TMPRSS7: variants seen among roughly 807,000 people sequenced by gnomAD.
TMPRSS7 encodes transmembrane serine protease 7, also known as transmembrane protease serine 7.
TMPRSS7 carries 81 observed loss-of-function variants against 95.6 expected under a neutral mutation model. That is an observed-to-expected ratio of 0.85 (90% CI 0.71 to 1.02). The LOEUF (loss-of-function observed/expected upper bound fraction) is 1.02. Ranked by LOEUF, TMPRSS7 falls within the 50% of genes least tolerant of loss-of-function variation. The pLI, the probability that TMPRSS7 is intolerant of heterozygous loss-of-function variation, is 0.00. For synonymous variants in TMPRSS7, 364 were observed against 337.8 expected (o/e 1.08, Z -0.85); for missense variants, 945 against 955.2 (o/e 0.99, Z 0.14).
chr3:112,075,170 TCAGA>T, intron 14 of TMPRSS7, 147 bp from the exon 15 acceptor site: 1 of 673,162 alleles, frequency 1.5e-6, no homozygotes, highest in Middle Eastern at 4.5e-4. Context: ...TGTATTGGTT[TCAGA>T]CAGACTCACA....
At chr3:112,051,535 CTAT>C (rs2073349955) in intron 9 of TMPRSS7, among the ~76,000 whole-genome samples, 1 of 150,376 alleles carries the variant, frequency 6.6e-6, no homozygotes, top group Non-Finnish European at 1.5e-5. Flanking sequence ...ATCTATCTAT[CTAT>C]CTATCTATCT....
chr3:112,074,959 C>T (rs925235732), intron 14 of TMPRSS7, among the ~76,000 whole-genome samples: 1 of 152,212 alleles, frequency 6.6e-6, no homozygotes, highest in Non-Finnish European at 1.5e-5. Context: ...TAAATCTTTT[C>T]CCCAATCCTT....
downstream of TMPRSS7, chr3:112,081,268 T>C (rs2073776207): frequency 4.5e-6 from 1 of 223,180 alleles, no homozygotes; most frequent in Non-Finnish European, 7.9e-6. Flanking sequence ...CTGTCTCTAC[T>C]GAAAAAAAAA....
chr3:112,077,069 A>T, exon 16 of TMPRSS7: 1 of 1,614,194 alleles, frequency 6.2e-7, no homozygotes, highest in East Asian at 2.2e-5. Flanking sequence ...GCCAATATGC[A>T]TTCCTCCCAC....
intron 7 of TMPRSS7, 131 bp downstream of exon 7, chr3:112,048,098 C>G: frequency 1.3e-6 from 1 of 746,466 alleles, no homozygotes; most frequent in Non-Finnish European, 2.2e-6. Flanking sequence ...ATGGCTGACC[C>G]GTGCCCTATT....
chr3:112,039,943 C>T (rs921060873), intron 2 of TMPRSS7, among the ~76,000 whole-genome samples: 5 of 152,118 alleles, frequency 3.3e-5, no homozygotes, highest in South Asian at 2.1e-4. Flanking sequence ...GGGTCTGACA[C>T]GAACTCTTGG....
chr3:112,047,971 C>T lies in TMPRSS7; in HGVS notation c.959+4C>T, dbSNP rs771135679. 19 of 1,608,254 alleles carry T rather than the reference C, an allele frequency of 1.2e-5. No individual in the cohort carries two copies. The highest frequency in any genetic ancestry group is 3.3e-5 in the Admixed American group (2 of 59,980). ...TCCGGAGCAGCATCTTGTACAGGTA[C>T]GATGCAGGTACTCTTCTTGGTGGGT... On this transcript the variant is annotated splice_donor_region_variant and intron_variant, in intron 7 of 17. Transcript: ENST00000452346.
chr3:112,046,236 GA>G (rs1402881988), intron 5 of TMPRSS7, among the ~76,000 whole-genome samples: 1 of 152,080 alleles, frequency 6.6e-6, no homozygotes, highest in Non-Finnish European at 1.5e-5. Context: ...AGTCCCCAAA[GA>G]ACAAAACCCT....
intron 10 of TMPRSS7, among the ~76,000 whole-genome samples, chr3:112,061,021 A>G (rs1177341047): frequency 6.6e-6 from 1 of 152,002 alleles, no homozygotes; most frequent in African/African-American, 2.4e-5. Context: ...TTCCCACAAC[A>G]ATTACCCCCA....
At chr3:112,055,472 C>CAA (rs2073422142) in intron 9 of TMPRSS7, among the ~76,000 whole-genome samples, 1 of 151,888 alleles carries the variant, frequency 6.6e-6, no homozygotes, top group African/African-American at 2.4e-5. Flanking sequence ...CACAGACACA[C>CAA]ACACACACAG....
intron 7 of TMPRSS7, 142 bp from the exon 8 acceptor site, chr3:112,049,702 G>A: frequency 1.7e-6 from 1 of 600,600 alleles, no homozygotes; most frequent in Non-Finnish European, 2.6e-6. Context: ...AATGGATGAG[G>A]ATCTGGCTGG....
At chr3:112,051,511 C>T (rs957103825) in intron 9 of TMPRSS7, among the ~76,000 whole-genome samples, 22 of 144,066 alleles carry the variant, frequency 1.5e-4, no homozygotes, top group Admixed American at 2.9e-4. Context: ...CAAATGTATA[C>T]GAAATATCTA....
intron 1 of TMPRSS7, among the ~76,000 whole-genome samples, chr3:112,036,584 G>A (rs1220218227): frequency 2.0e-5 from 3 of 151,704 alleles, no homozygotes; most frequent in African/African-American, 4.8e-5. Flanking sequence ...AAAAAAGGAG[G>A]GGGGAGGGGC....
At chr3:112,062,344 G>A (rs1160736994) in intron 11 of TMPRSS7, among the ~76,000 whole-genome samples, 5 of 152,192 alleles carry the variant, frequency 3.3e-5, no homozygotes, top group Non-Finnish European at 7.3e-5. Context: ...AGGAAGAGCT[G>A]TTTGGTAGAG....
chr3:112,071,905 T>A (rs1189155019), intron 13 of TMPRSS7, among the ~76,000 whole-genome samples: 1 of 152,226 alleles, frequency 6.6e-6, no homozygotes, highest in Non-Finnish European at 1.5e-5. Flanking sequence ...CTCCTTTAGC[T>A]CAGCGAAGTT....
chr3:112,079,903 C>A (rs1257609644), intron 17 of TMPRSS7, among the ~76,000 whole-genome samples: 1 of 152,114 alleles, frequency 6.6e-6, no homozygotes, highest in African/African-American at 2.4e-5. Context: ...AATGTCTGAG[C>A]TGGGATTTGA....
At chr3:112,080,013 T>C (rs1166169044) in intron 17 of TMPRSS7, among the ~76,000 whole-genome samples, 1 of 152,166 alleles carries the variant, frequency 6.6e-6, no homozygotes, top group African/African-American at 2.4e-5. Flanking sequence ...TGTTTACTTG[T>C]TAAACTTAGT....
intron 9 of TMPRSS7, among the ~76,000 whole-genome samples, chr3:112,055,304 C>A (rs1433882267): frequency 6.6e-6 from 1 of 152,034 alleles, no homozygotes; most frequent in Non-Finnish European, 1.5e-5. Flanking sequence ...TACTTCTGTG[C>A]AATGGGATTC....
At chr3:112,034,761 C>A (rs1287152343), upstream of TMPRSS7, 6 of 684,112 alleles carry the variant, frequency 8.8e-6, no homozygotes, top group Non-Finnish European at 1.3e-5. Context: ...GGTGACGGTT[C>A]TCTCAATTCT....
Sources: allele counts gnomAD v4.1 joint callset (sites outside exome capture counted in the v4.1 genomes callset), GRCh38; gene constraint gnomAD v4.1.1; transcripts MANE v1.5; gene names NCBI Gene and HGNC (gene_info 2026-07-23, HGNC 2026-07-21).